The following FBXL18 variants were observed in gnomAD, a reference collection of about 807,000 sequenced individuals.
FBXL18 encodes the protein F-box/LRR-repeat protein 18.
A neutral mutation model predicts 46.0 loss-of-function variants in FBXL18; 36 were observed. The observed-to-expected ratio is 0.78, with a 90% CI of 0.60 to 1.03. The LOEUF is 1.03. FBXL18 is among the 50% of genes least tolerant of loss of function. FBXL18 has a pLI of 0.00. For missense variants in FBXL18, 977 were observed against 1,004.1 expected (o/e 0.97, Z 0.36); for synonymous variants, 557 against 465.3 (o/e 1.20, Z -2.54).
intron 4 of FBXL18, among the ~76,000 whole-genome samples, chr7:5,484,992 G>C (rs2128234482): frequency 6.6e-6 from 1 of 152,192 alleles, no homozygotes; most frequent in Admixed American, 6.5e-5. Flanking sequence ...ATGTTGCCCA[G>C]CCTGGTCTCA....
At chr7:5,502,149 C>T (rs568384096) in intron 2 of FBXL18, 118 bp from the exon 3 acceptor site, 39 of 721,912 alleles carry the variant, frequency 5.4e-5, no homozygotes, top group Non-Finnish European at 8.3e-5. Flanking sequence ...AGGGAAGCTC[C>T]CCACCTCTCG....
intron 4 of FBXL18, among the ~76,000 whole-genome samples, chr7:5,463,728 A>ATTTATTTATTTTTTTT (rs1562672288): frequency 4.0e-4 from 21 of 53,008 alleles, no homozygotes; most frequent in African/African-American, 4.8e-4. Context: ...TTATTTATTT[A>ATTTATTTATTTTTTTT]TTTTTTTTTT....
At position 5,501,056 on chromosome 7, in the gene FBXL18, G is replaced by C; in HGVS notation, c.1213C>G (p.Leu405Val). Residue 405 changes from leucine (L) to valine (V), a missense_variant, in exon 3 of 5, where the codon CTC becomes GTC. Coordinates refer to ENST00000382368, the MANE Select transcript of FBXL18 (RefSeq NM_024963.6). Reference protein sequence around the residue: ...HHSSEGLGRHLCQLLARLRHL... With the variant: ...HHSSEGLGRHVCQLLARLRHL... Reference sequence around the variant, plus strand: ...CGCAGCCGGGCCAGGAGCTGGCAGAGGTGGCGGCCCAGGCCCTCCGAGCTG... The same window carrying C: ...CGCAGCCGGGCCAGGAGCTGGCAGACGTGGCGGCCCAGGCCCTCCGAGCTG... 6.2e-7 allele frequency: 1 copy of C among 1,609,450 alleles called. No individual in the cohort carries two copies. The highest frequency in any genetic ancestry group is 8.5e-7 in the Non-Finnish European group (1 of 1,178,992).
intron 4 of FBXL18, among the ~76,000 whole-genome samples, chr7:5,463,706 T>TATATATATATATATA (rs374634728): frequency 3.4e-4 from 20 of 59,446 alleles, no homozygotes; most frequent in African/African-American, 8.9e-4. Context: ...ATATATATAT[T>TATATATATATATATA]TATTTATTTA....
At chr7:5,490,538 C>G (rs1783894971) in intron 4 of FBXL18, among the ~76,000 whole-genome samples, 2 of 152,284 alleles carry the variant, frequency 1.3e-5, no homozygotes, top group South Asian at 4.1e-4. Context: ...CAGAAAGGGC[C>G]TGACAGCAGG....
chr7:5,481,889 A>G lies in FBXL18; in HGVS notation c.2043T>C (p.Pro681=), dbSNP rs1375980952. The change falls in exon 5 of 5, where the codon CCT becomes CCC. Residue 681 remains proline, a synonymous_variant. Transcript: ENST00000382368. ...ERPALNVVIF[P]LLHEGLTDVI... ...CGTCGGTCAGGCCCTCGTGGAGCAGAGGGAAGATGACGACGTTTAACGCGG... is the reference window on the plus strand; with the variant it reads ...CGTCGGTCAGGCCCTCGTGGAGCAGGGGGAAGATGACGACGTTTAACGCGG... 6.2e-7 allele frequency: 1 copy of G among 1,613,008 alleles called. No homozygotes were observed. The highest frequency in any genetic ancestry group is 2.2e-5 in the East Asian group (1 of 44,882).
chr7:5,482,361 C>T (rs1003574446), intron 4 of FBXL18, among the ~76,000 whole-genome samples: 1 of 152,172 alleles, frequency 6.6e-6, no homozygotes, highest in South Asian at 2.1e-4. Flanking sequence ...ACCCCACAGC[C>T]GCAGGTGGGC....
At chr7:5,492,812 G>A (rs1239547182) in intron 3 of FBXL18, among the ~76,000 whole-genome samples, 4 of 152,050 alleles carry the variant, frequency 2.6e-5, no homozygotes, top group African/African-American at 4.8e-5. Context: ...GCTGGCAGGC[G>A]CCCGAGTTCC....
At chr7:5,489,063 C>T (rs1783846594) in intron 4 of FBXL18, 2 of 306,684 alleles carry the variant, frequency 6.5e-6, no homozygotes, top group Non-Finnish European at 1.3e-5. Flanking sequence ...CCTGGTTCCA[C>T]CGCAGGCGAA....
chr7:5,506,732 T>A (rs923114386), intron 1 of FBXL18, among the ~76,000 whole-genome samples: 1 of 152,090 alleles, frequency 6.6e-6, no homozygotes, highest in African/African-American at 2.4e-5. Flanking sequence ...AATTTTTGTG[T>A]TTTTAGTAAA....
chr7:5,462,896 A>G (rs542673147), intron 4 of FBXL18, among the ~76,000 whole-genome samples: 1 of 141,376 alleles, frequency 7.1e-6, no homozygotes, highest in Non-Finnish European at 1.5e-5. Flanking sequence ...GCTTGCAGTG[A>G]GCCAAGATCG....
intron 4 of FBXL18, among the ~76,000 whole-genome samples, chr7:5,486,782 C>A (rs903350102): frequency 6.6e-6 from 1 of 152,298 alleles, no homozygotes; most frequent in East Asian, 1.9e-4. Context: ...AACAGGTCAC[C>A]GGCGACAGGT....
chr7:5,494,313 C>G (rs1784015605), intron 3 of FBXL18, among the ~76,000 whole-genome samples: 1 of 151,328 alleles, frequency 6.6e-6, no homozygotes, highest in East Asian at 1.9e-4. Flanking sequence ...GCGGGGCATG[C>G]CCATTATCCC....
chr7:5,463,742 T>A (rs372287722), intron 4 of FBXL18, among the ~76,000 whole-genome samples: 25,881 of 66,276 alleles, frequency 0.39, 4,061 homozygotes, highest in East Asian at 0.52. Flanking sequence ...TTTTTTTTTT[T>A]TTTTTTTTTT....
intron 1 of FBXL18, among the ~76,000 whole-genome samples, chr7:5,513,156 C>T (rs1418264032): frequency 2.6e-5 from 4 of 152,128 alleles, no homozygotes; most frequent in Non-Finnish European, 5.9e-5. Flanking sequence ...GAAAGAATTC[C>T]AGGGTACGTC....
chr7:5,506,922 T>C (rs1411649433), intron 1 of FBXL18, among the ~76,000 whole-genome samples: 1 of 152,176 alleles, frequency 6.6e-6, no homozygotes, highest in Non-Finnish European at 1.5e-5. Context: ...TGGGCCTGAG[T>C]CAAAATGCCT....
intron 4 of FBXL18, among the ~76,000 whole-genome samples, chr7:5,464,068 G>A (rs189043572): frequency 1.2e-4 from 18 of 152,180 alleles, no homozygotes; most frequent in African/African-American, 2.6e-4. Context: ...ATAACTGGCC[G>A]GGCGCGGTGA....
downstream of FBXL18, among the ~76,000 whole-genome samples, chr7:5,472,588 G>T (rs1339836365): frequency 6.6e-6 from 1 of 152,082 alleles, no homozygotes; most frequent in Non-Finnish European, 1.5e-5. Flanking sequence ...AGGCCACATG[G>T]AGAGGTCTCA....
downstream of FBXL18, among the ~76,000 whole-genome samples, chr7:5,472,071 G>A (rs1416721416): frequency 6.6e-6 from 1 of 152,166 alleles, no homozygotes; most frequent in Non-Finnish European, 1.5e-5. Flanking sequence ...CTGGGTGACA[G>A]AGCAAGACCC....
Sources: allele counts gnomAD v4.1 joint callset (sites outside exome capture counted in the v4.1 genomes callset), GRCh38; gene constraint gnomAD v4.1.1; transcripts MANE v1.5; gene names NCBI Gene and HGNC (gene_info 2026-07-23, HGNC 2026-07-21).